Variants in HS6ST3 observed in about 807,000 individuals in gnomAD.
HS6ST3 encodes the protein heparan-sulfate 6-O-sulfotransferase 3.
Under a neutral mutation model 36.7 loss-of-function variants are expected in HS6ST3, and 12 were observed. The ratio of observed to expected loss-of-function variants is 0.33; its 90% confidence interval spans 0.21 to 0.53. The LOEUF (loss-of-function observed/expected upper bound fraction) is 0.53. Among genes scored for constraint, HS6ST3 ranks in the 20% least tolerant of loss-of-function variants. HS6ST3 has a pLI of 0.95. For synonymous variants in HS6ST3, 240 were observed against 257.5 expected (o/e 0.93, Z 0.65); for missense variants, 584 against 640.9 (o/e 0.91, Z 0.96).
chr13:96,649,597 T>A (rs1018995458), intron 1 of HS6ST3, among the ~76,000 whole-genome samples: 3 of 152,074 alleles, frequency 2.0e-5, no homozygotes, highest in African/African-American at 7.2e-5. Context: ...CTGTTGCTTC[T>A]ACCATCAAGA....
intron 1 of HS6ST3, among the ~76,000 whole-genome samples, chr13:96,565,953 A>T (rs374775799): frequency 6.6e-6 from 1 of 152,198 alleles, no homozygotes; most frequent in African/African-American, 2.4e-5. Context: ...CATAATCAGG[A>T]TCAGAATAAA....
At chr13:96,129,427 A>G (rs2053966013) in intron 1 of HS6ST3, among the ~76,000 whole-genome samples, 1 of 152,182 alleles carries the variant, frequency 6.6e-6, no homozygotes, top group African/African-American at 2.4e-5. Flanking sequence ...GGTTTAGGTA[A>G]TTTGGGATTG....
intron 1 of HS6ST3, among the ~76,000 whole-genome samples, chr13:96,368,976 T>G (rs891754368): frequency 1.3e-5 from 2 of 151,310 alleles, no homozygotes; most frequent in Non-Finnish European, 2.9e-5. Context: ...ATCACTGGGG[T>G]CTAGGAGAGA....
chr13:96,626,095 G>A (rs562734252), intron 1 of HS6ST3, among the ~76,000 whole-genome samples: 1 of 151,820 alleles, frequency 6.6e-6, no homozygotes, highest in African/African-American at 2.4e-5. Context: ...ACCCGCCTCC[G>A]CCTCCCAAAG....
chr13:96,384,175 C>T (rs1209751160), intron 1 of HS6ST3, among the ~76,000 whole-genome samples: 1 of 152,176 alleles, frequency 6.6e-6, no homozygotes, highest in East Asian at 1.9e-4. Context: ...ATTAATGTAA[C>T]TTCATTTGTG....
At chr13:96,447,492 A>G (rs1039105772) in intron 1 of HS6ST3, among the ~76,000 whole-genome samples, 1 of 152,232 alleles carries the variant, frequency 6.6e-6, no homozygotes, top group African/African-American at 2.4e-5. Context: ...CTTGTCTAGC[A>G]GGAAAGCCAC....
At chr13:96,426,391 C>A (rs1375124816) in intron 1 of HS6ST3, among the ~76,000 whole-genome samples, 2 of 152,174 alleles carry the variant, frequency 1.3e-5, no homozygotes, top group Admixed American at 6.5e-5. Context: ...GCATGGCTGA[C>A]AATTCAGCAA....
At chr13:96,200,619 C>G (rs779746776) in intron 1 of HS6ST3, among the ~76,000 whole-genome samples, 27 of 152,224 alleles carry the variant, frequency 1.8e-4, no homozygotes, top group Non-Finnish European at 3.5e-4. Context: ...CATTTTATAA[C>G]TATATTATTT....
intron 1 of HS6ST3, among the ~76,000 whole-genome samples, chr13:96,697,115 C>A (rs927476276): frequency 1.3e-5 from 2 of 151,090 alleles, no homozygotes; most frequent in East Asian, 3.9e-4. Context: ...ATGCCATGAA[C>A]AAGAGAGACA....
At position 96,222,346 on chromosome 13, in the gene HS6ST3, A is replaced by G. The variant is rs76696114; in HGVS notation, c.707+130777A>G. The stretch of plus-strand genomic sequence containing the variant: ...CTGCAGATGTCTGTATTGAAAGGTG[A>G]TTGCAACATTTCTTGTGGTACAGCA... On this transcript the variant is annotated intron_variant, in intron 1 of 1. Transcript: ENST00000376705. 3.6e-3 allele frequency among the ~76,000 whole-genome samples: 553 copies of G among 152,322 alleles called. 1 individual carries two copies. Among genetic ancestry groups the G allele is most frequent in the Non-Finnish European group, 3.7e-3 (254 of 68,034 alleles).
Position 96,706,413 on chromosome 13 carries a change from T to TTATATATATATATATATATATATATATA in HS6ST3, c.708-126076_708-126049dup, listed in dbSNP as rs3052119. On this transcript the variant is annotated intron_variant, in intron 1 of 1. Transcript: ENST00000376705. ...TATATAAAATATAATAGAATATATT[T>TTATATATATATATATATATATATATATA]TATATATATATATATATATATATAT... Among the ~76,000 whole-genome samples the TTATATATATATATATATATATATATATA allele has an allele frequency of 4.5e-4, 54 of 121,002 alleles. 1 individual carries two copies. The highest frequency in any genetic ancestry group is 1.5e-3 in the African/African-American group (42 of 28,280). 79.4% of individuals were successfully genotyped at this position (121,002 alleles called of 152,430 possible).
At chr13:96,538,146 G>C (rs1482557570) in intron 1 of HS6ST3, among the ~76,000 whole-genome samples, 1 of 148,122 alleles carries the variant, frequency 6.8e-6, no homozygotes, top group Non-Finnish European at 1.5e-5. Flanking sequence ...GAGGTCCCCT[G>C]TCCAGCATAT....
chr13:96,750,187 G>A (rs1466491672), intron 1 of HS6ST3, among the ~76,000 whole-genome samples: 1 of 152,198 alleles, frequency 6.6e-6, no homozygotes, highest in African/African-American at 2.4e-5. Flanking sequence ...CAGTTACCAA[G>A]CATTGCCAGG....
At chr13:96,656,769 C>G (rs971975827) in intron 1 of HS6ST3, among the ~76,000 whole-genome samples, 2 of 152,124 alleles carry the variant, frequency 1.3e-5, no homozygotes, top group South Asian at 4.1e-4. Flanking sequence ...GGCTGATGCT[C>G]TTGAGCTCCA....
intron 1 of HS6ST3, among the ~76,000 whole-genome samples, chr13:96,546,853 T>C (rs1225542478): frequency 6.6e-6 from 1 of 152,124 alleles, no homozygotes; most frequent in East Asian, 1.9e-4. Context: ...CTAGAATATA[T>C]ATTTCAGCAT....
intron 1 of HS6ST3, among the ~76,000 whole-genome samples, chr13:96,311,960 T>G (rs2054943426): frequency 6.6e-6 from 1 of 152,164 alleles, no homozygotes; most frequent in Admixed American, 6.5e-5. Flanking sequence ...TCATTTTTTT[T>G]TTGTTTCATT....
At chr13:96,737,458 T>G (rs1221934339) in intron 1 of HS6ST3, among the ~76,000 whole-genome samples, 1 of 150,954 alleles carries the variant, frequency 6.6e-6, no homozygotes, top group East Asian at 1.9e-4. Context: ...ACCCCGTCTC[T>G]ACTAAAAATA....
chr13:96,384,000 G>A (rs921034362), intron 1 of HS6ST3, among the ~76,000 whole-genome samples: 1 of 152,184 alleles, frequency 6.6e-6, no homozygotes. Flanking sequence ...CAGTGTGGGA[G>A]TGGCACTGGA....
chr13:96,765,239 AT>A (rs1218000207), intron 1 of HS6ST3, among the ~76,000 whole-genome samples: 1 of 151,704 alleles, frequency 6.6e-6, no homozygotes, highest in Non-Finnish European at 1.5e-5. Flanking sequence ...CGCCTGGCTA[AT>A]TTTTTGTATT....
Sources: allele counts gnomAD v4.1 joint callset (sites outside exome capture counted in the v4.1 genomes callset), GRCh38; gene constraint gnomAD v4.1.1; transcripts MANE v1.5; gene names NCBI Gene and HGNC (gene_info 2026-07-23, HGNC 2026-07-21).